The following ITPR1 variants were observed in gnomAD, a reference collection of about 807,000 sequenced individuals.
The protein encoded by ITPR1 is inositol 1,4,5-trisphosphate-gated calcium channel ITPR1.
In ITPR1, 96 loss-of-function variants were observed where a neutral mutation model predicts 318.4. The observed-to-expected ratio is 0.30, with a 90% CI of 0.26 to 0.36. The LOEUF (loss-of-function observed/expected upper bound fraction) is 0.36. ITPR1 is among the 10% of genes least tolerant of loss of function. ITPR1 has a pLI of 1.00. For missense variants in ITPR1, 2,440 were observed against 3,460.2 expected, an observed-to-expected ratio of 0.71 and a Z score of 7.40; for synonymous variants, 1,312 against 1,289.9, an observed-to-expected ratio of 1.02 and a Z score of -0.37.
rs772649946 is a variant in ITPR1 at position 4,665,272 on chromosome 3, G to T, written c.1689G>T (p.Ser563=). The change falls in exon 17 of 62, where the codon TCG becomes TCT. Residue 563 remains serine, a synonymous_variant. Coordinates refer to ENST00000649015, the MANE Select transcript of ITPR1 (RefSeq NM_001378452.1). ...CRLCYRVLRH[S]QQDYRKNQEY... is the part of the protein sequence containing the mutation. The stretch of plus-strand genomic sequence containing the variant: ...TCTGCTACAGGGTGCTGAGACACTC[G>T]CAGCAAGACTACAGGAAGAACCAGG... 2 of 1,612,834 alleles carry T rather than the reference G, an allele frequency of 1.2e-6. No individual in the cohort carries two copies. Among genetic ancestry groups the T allele is most frequent in the African/African-American group, 2.7e-5 (2 of 74,896 alleles).
chr3:4,648,040 T>C (rs1357701496), intron 10 of ITPR1, among the ~76,000 whole-genome samples: 1 of 151,968 alleles, frequency 6.6e-6, no homozygotes, highest in Non-Finnish European at 1.5e-5. Context: ...TAATCCCAGC[T>C]ACTCGGGAGG....
In ITPR1 at chr3:4,721,192, A is replaced by C. The variant is rs1299807094; in HGVS notation, c.5136+3793A>C. ...TGCGTGTATATATATATATATATAT[A>C]TATATATATATGCATATCACTGAGA... On this transcript the variant is annotated intron_variant, in intron 40 of 61. Coordinates refer to ENST00000649015, the MANE Select transcript of ITPR1 (RefSeq NM_001378452.1). Among the ~76,000 whole-genome samples, 3 of 144,806 alleles carry C rather than the reference A, an allele frequency of 2.1e-5. 1 individual carries two copies. Among genetic ancestry groups the C allele is most frequent in the African/African-American group, 7.9e-5 (3 of 38,202 alleles). The allele number at this position is 144,806 out of a possible 152,430, so 95.0% of individuals were successfully genotyped here. A position where few individuals can be genotyped will look rare whatever the true frequency, so the allele number is the denominator to read the frequency against.
chr3:4,710,555 G>A lies in ITPR1; in HGVS notation c.4991+82G>A, dbSNP rs1222848967. The stretch of plus-strand genomic sequence containing the variant: ...AGCTTTTGTTCCCGAAGAAGGAGAC[G>A]TTGTCCTGTTTTTTAACTTTGATGA... On this transcript the variant is annotated intron_variant, in intron 38 of 61. Coordinates refer to ENST00000649015, the MANE Select transcript of ITPR1 (RefSeq NM_001378452.1). The surrounding 1 kb of genome is among the most constrained non-coding windows in gnomAD (Gnocchi z 4.2). 1.4e-5 allele frequency: 19 copies of A among 1,389,464 alleles called. No individual in the cohort carries two copies. The highest frequency in any genetic ancestry group is 7.6e-5 in the East Asian group (3 of 39,442). The allele number at this position is 1,389,464 out of a possible 1,614,324, so 86.1% of individuals were successfully genotyped here. A position where few individuals can be genotyped will look rare whatever the true frequency, so the allele number is the denominator to read the frequency against.
intron 18 of ITPR1, among the ~76,000 whole-genome samples, chr3:4,668,732 C>G (rs960004624): frequency 2.0e-5 from 3 of 152,206 alleles, no homozygotes; most frequent in Non-Finnish European, 2.9e-5. Context: ...TCCCAAAGTG[C>G]TGGGATTACA....
chr3:4,783,772 G>C (rs2046987130), intron 50 of ITPR1, 44 bp from the exon 51 acceptor site: 3 of 1,403,800 alleles, frequency 2.1e-6, no homozygotes, highest in Non-Finnish European at 3.0e-6. Flanking sequence ...TGTTCCTGTT[G>C]TGAAGAGACA....
intron 2 of ITPR1, among the ~76,000 whole-genome samples, chr3:4,512,566 C>A (rs1005353384): frequency 6.6e-6 from 1 of 152,080 alleles, no homozygotes; most frequent in South Asian, 2.1e-4. Context: ...TATAGGAGTT[C>A]ATTTGTTATG....
chr3:4,603,881 T>A (rs1306342697), intron 4 of ITPR1, among the ~76,000 whole-genome samples: 2 of 152,180 alleles, frequency 1.3e-5, no homozygotes, highest in Non-Finnish European at 2.9e-5. Flanking sequence ...CTGGGTTGAG[T>A]GATAGTTCTG....
Position 4,706,273 on chromosome 3 carries a change from C to G in ITPR1, c.4764C>G (p.Leu1588=). 1.9e-6 allele frequency: 3 copies of G among 1,614,052 alleles called. No homozygotes were observed. The highest frequency in any genetic ancestry group is 1.7e-6 in the Non-Finnish European group (2 of 1,179,890). Reference sequence around the variant, plus strand: ...AGAAAACAGCCATGAACTGGCGGCTCTCAGCCCGCAATGCCGCACGCAGGG... The same window carrying G: ...AGAAAACAGCCATGAACTGGCGGCTGTCAGCCCGCAATGCCGCACGCAGGG... ...IVQKTAMNWR[L]SARNAARRDS... is the part of the protein sequence containing the mutation. Residue 1588 remains leucine (L), a synonymous_variant, in exon 37 of 62, where the codon CTC becomes CTG. Coordinates refer to ENST00000649015, the MANE Select transcript of ITPR1 (RefSeq NM_001378452.1).
At chr3:4,750,975 G>T (rs1159583119) in intron 44 of ITPR1, 1 of 152,882 alleles carries the variant, frequency 6.5e-6, no homozygotes, top group Non-Finnish European at 1.5e-5. Context: ...ACCTATCCTA[G>T]GAGTCTTCCA....
At chr3:4,742,880 C>G (rs1575091513) in intron 44 of ITPR1, among the ~76,000 whole-genome samples, 1 of 152,180 alleles carries the variant, frequency 6.6e-6, no homozygotes, top group Admixed American at 6.5e-5. Flanking sequence ...TCCAGCAGGC[C>G]TGGGGGACGC....
At chr3:4,620,046 CT>C (rs2092567181) in intron 4 of ITPR1, among the ~76,000 whole-genome samples, 1 of 151,112 alleles carries the variant, frequency 6.6e-6, no homozygotes, top group Middle Eastern at 3.2e-3. Flanking sequence ...GACTTTTTTC[CT>C]ATTTCAAAAG....
At chr3:4,566,604 G>GCGCACACA (rs111805736) in intron 4 of ITPR1, among the ~76,000 whole-genome samples, 23 of 140,898 alleles carry the variant, frequency 1.6e-4, no homozygotes, top group African/African-American at 5.7e-4. Context: ...GGGGACACAT[G>GCGCACACA]CACACACACA....
intron 2 of ITPR1, among the ~76,000 whole-genome samples, chr3:4,499,315 A>G (rs1258280642): frequency 1.3e-5 from 2 of 152,214 alleles, no homozygotes; most frequent in Non-Finnish European, 2.9e-5. Flanking sequence ...GTATATATTT[A>G]AATTTCATAA....
chr3:4,593,874 T>C (rs2090587326), intron 4 of ITPR1, among the ~76,000 whole-genome samples: 1 of 152,172 alleles, frequency 6.6e-6, no homozygotes, highest in African/African-American at 2.4e-5. Flanking sequence ...AGCTCAGGCC[T>C]TTATTCTTGG....
chr3:4,645,496 G>A (rs900459277), intron 9 of ITPR1, 26 bp downstream of exon 9: 4 of 1,604,542 alleles, frequency 2.5e-6, no homozygotes, highest in Non-Finnish European at 3.4e-6. Context: ...TATGGGCTGA[G>A]CATTACTTGG....
intron 23 of ITPR1, 96 bp downstream of exon 23, chr3:4,675,344 T>G: frequency 3.6e-6 from 3 of 839,826 alleles, no homozygotes; most frequent in Non-Finnish European, 5.4e-6. Flanking sequence ...ACATCCTTTC[T>G]TTGTTCATTC....
At position 4,815,133 on chromosome 3, in the gene ITPR1, T is replaced by G; in HGVS notation, c.7782T>G (p.Phe2594Leu). ...MVIIIVLNLI[F>L]GVIIDTFADL... ...TCATCATTGTTCTTAACCTGATTTT[T>G]GGGGTTATCATTGACACTTTTGCTG... The change falls in exon 59 of 62, where the codon TTT becomes TTG. Residue 2594 changes from phenylalanine (F) to leucine (L), a missense_variant. By Grantham distance (22) the Phe-to-Leu change is conservative. Transcript: ENST00000649015. 1.2e-6 allele frequency: 2 copies of G among 1,613,928 alleles called. No individual in the cohort carries two copies. The highest frequency in any genetic ancestry group is 8.5e-7 in the Non-Finnish European group (1 of 1,179,824).
chr3:4,735,052 A>G (rs1242405259), intron 43 of ITPR1, 112 bp from the exon 44 acceptor site: 7 of 791,532 alleles, frequency 8.8e-6, no homozygotes, highest in African/African-American at 1.7e-5. Flanking sequence ...GGGTTAAAAG[A>G]GATGAACATG....
intron 35 of ITPR1, among the ~76,000 whole-genome samples, chr3:4,701,724 G>C (rs1376143412): frequency 6.6e-6 from 1 of 152,138 alleles, no homozygotes; most frequent in Non-Finnish European, 1.5e-5. Context: ...TGCGTGACGG[G>C]AAGGTAATTC....
Sources: gnomAD v4.1 joint callset for allele counts (sites outside exome capture counted in the v4.1 genomes callset) on GRCh38, gnomAD v4.1.1 for gene constraint, Gnocchi (gnomAD v3.1) non-coding constraint, MANE v1.5 for transcripts, NCBI Gene and HGNC (gene_info 2026-07-23, HGNC 2026-07-21) for gene names.